Variants in KCNK2 observed in about 807,000 individuals in gnomAD.
KCNK2 encodes the protein potassium two pore domain channel subfamily K member 2.
A neutral mutation model predicts 40.5 loss-of-function variants in KCNK2; 21 were observed. That is an observed-to-expected ratio of 0.52 (90% CI 0.37 to 0.75). KCNK2 has a LOEUF of 0.75. KCNK2 is among the 30% of genes least tolerant of loss of function. The probability of loss-of-function intolerance (pLI) is 0.00; values close to 1 mark genes in which losing one functional copy is unlikely to be tolerated. For missense variants in KCNK2, 399 were observed against 531.6 expected (o/e 0.75, Z 2.45); for synonymous variants, 191 against 202.2 (o/e 0.94, Z 0.47).
chr1:215,142,659 G>T (rs1018376232), intron 3 of KCNK2, among the ~76,000 whole-genome samples: 2 of 152,232 alleles, frequency 1.3e-5, no homozygotes, highest in Middle Eastern at 6.8e-3. Context: ...TTCAATGTGA[G>T]CAGGCTCAGT....
At chr1:215,190,219 G>A (rs1306067759) in intron 5 of KCNK2, among the ~76,000 whole-genome samples, 4 of 152,108 alleles carry the variant, frequency 2.6e-5, no homozygotes, top group South Asian at 2.1e-4. Context: ...GAAGAGGGCC[G>A]ATGGCTGGGA....
chr1:215,142,885 T>G (rs894044259), intron 3 of KCNK2, among the ~76,000 whole-genome samples: 7 of 152,154 alleles, frequency 4.6e-5, no homozygotes, highest in African/African-American at 7.2e-5. Context: ...TTTGCTTTTC[T>G]AATAGACTAA....
chr1:215,027,004 A>G (rs926844272), intron 1 of KCNK2, among the ~76,000 whole-genome samples: 13 of 152,012 alleles, frequency 8.6e-5, no homozygotes, highest in Non-Finnish European at 1.9e-4. Context: ...TTTAGTTTAC[A>G]TTGTCATTTT....
rs200060178 is a variant in KCNK2, at chr1:215,152,215, C to A, written c.476-16984C>A. 3.4e-4 allele frequency among the ~76,000 whole-genome samples: 7 copies of A among 20,758 alleles called. 1 individual carries two copies. The South Asian group carries it at 5.4e-3, about 16-fold the overall frequency. The allele number at this position is 20,758 out of a possible 152,430, so 13.6% of individuals were successfully genotyped here. A position where few individuals can be genotyped will look rare whatever the true frequency, so the allele number is the denominator to read the frequency against. On this transcript the variant is annotated intron_variant, in intron 3 of 6. Coordinates refer to ENST00000444842, the MANE Select transcript of KCNK2 (RefSeq NM_001017425.3). Reference sequence around the variant, plus strand: ...ATGCTGCATACTGAGAGCCGTGTGGCCTCTGAGTAGATAGAACATTTTAGT... The same window carrying A: ...ATGCTGCATACTGAGAGCCGTGTGGACTCTGAGTAGATAGAACATTTTAGT...
At chr1:215,031,357 A>G (rs2102485840) in intron 1 of KCNK2, among the ~76,000 whole-genome samples, 1 of 152,348 alleles carries the variant, frequency 6.6e-6, no homozygotes, top group East Asian at 1.9e-4. Context: ...GTAGCCATGA[A>G]CATGAAATAT....
intron 6 of KCNK2, among the ~76,000 whole-genome samples, chr1:215,220,168 T>C (rs1029811497): frequency 2.0e-5 from 3 of 152,258 alleles, no homozygotes; most frequent in African/African-American, 7.2e-5. Flanking sequence ...TCTATATATT[T>C]TGAGAACCAT....
chr1:215,214,718 C>T (rs891939965), intron 6 of KCNK2, among the ~76,000 whole-genome samples: 1 of 152,054 alleles, frequency 6.6e-6, no homozygotes, highest in Non-Finnish European at 1.5e-5. Context: ...CCCAACTACT[C>T]AGGAGGCTGA....
intron 1 of KCNK2, among the ~76,000 whole-genome samples, chr1:215,007,227 A>ATATATATATG (rs1337347831): frequency 2.0e-4 from 19 of 95,772 alleles, no homozygotes; most frequent in Non-Finnish European, 2.5e-4. Flanking sequence ...ATATATATAT[A>ATATATATATG]GGCTCATTTC....
At chr1:215,007,199 A>G (rs1439356564) in intron 1 of KCNK2, among the ~76,000 whole-genome samples, 1,310 of 53,066 alleles carry the variant, frequency 0.025, 64 homozygotes, top group South Asian at 0.052. Flanking sequence ...ATATATATAT[A>G]TATATATATA....
Position 215,196,662 on chromosome 1 carries a change from A to G in KCNK2, c.963+1570A>G, listed in dbSNP as rs910033833. On this transcript the variant is annotated intron_variant, in intron 6 of 6. Transcript: ENST00000444842. ...ATGGATTTGCCTTAACCTTAGGCTCATTGTATGTGGTGTGCGTGTGTGAGT... is the reference window on the plus strand; with the variant it reads ...ATGGATTTGCCTTAACCTTAGGCTCGTTGTATGTGGTGTGCGTGTGTGAGT... 4.6e-5 allele frequency among the ~76,000 whole-genome samples: 7 copies of G among 152,056 alleles called. No homozygotes were observed. In the East Asian group the frequency reaches 1.4e-3, roughly 29 times the overall value.
chr1:215,107,646 C>T lies in KCNK2; in HGVS notation c.358-16987C>T, dbSNP rs944842768. Reference sequence around the variant, plus strand: ...TTGTTCATTTGCATGTCTTCTTTGGCGTAATGTCTATGCAAGTCCTTAGCC... The same window carrying T: ...TTGTTCATTTGCATGTCTTCTTTGGTGTAATGTCTATGCAAGTCCTTAGCC... On this transcript the variant is annotated intron_variant, in intron 2 of 6. Coordinates refer to ENST00000444842, the MANE Select transcript of KCNK2 (RefSeq NM_001017425.3). 5.3e-5 allele frequency among the ~76,000 whole-genome samples: 8 copies of T among 151,980 alleles called. No individual in the cohort carries two copies. In the East Asian group the frequency reaches 7.8e-4, roughly 15 times the overall value.
intron 3 of KCNK2, among the ~76,000 whole-genome samples, chr1:215,140,394 T>C (rs770238508): frequency 6.6e-6 from 1 of 152,168 alleles, no homozygotes; most frequent in Non-Finnish European, 1.5e-5. Flanking sequence ...CAGTGACATT[T>C]CCTGAAAAAT....
At chr1:215,109,617 A>T (rs1363295913) in intron 2 of KCNK2, among the ~76,000 whole-genome samples, 1 of 151,682 alleles carries the variant, frequency 6.6e-6, no homozygotes, top group Non-Finnish European at 1.5e-5. Flanking sequence ...TTATTCATTC[A>T]TCTATTGTTG....
chr1:215,103,805 A>G (rs182170596), intron 2 of KCNK2, among the ~76,000 whole-genome samples: 23 of 152,162 alleles, frequency 1.5e-4, no homozygotes, highest in African/African-American at 5.5e-4. Flanking sequence ...AAAACCTCGC[A>G]ATCATATTAT....
chr1:215,034,393 A>G (rs943939605), intron 1 of KCNK2, among the ~76,000 whole-genome samples: 1 of 151,214 alleles, frequency 6.6e-6, no homozygotes, highest in Non-Finnish European at 1.5e-5. Context: ...ACTATTTTGT[A>G]CAAGTTTTTT....
chr1:215,194,463 T>C (rs1664785952), intron 5 of KCNK2, among the ~76,000 whole-genome samples: 1 of 152,186 alleles, frequency 6.6e-6, no homozygotes, highest in African/African-American at 2.4e-5. Context: ...TTGATGACTT[T>C]AAAATAAGAA....
intron 1 of KCNK2, among the ~76,000 whole-genome samples, chr1:215,057,899 G>A (rs1658224380): frequency 6.6e-6 from 1 of 152,054 alleles, no homozygotes; most frequent in Admixed American, 6.6e-5. Flanking sequence ...AAATAATTCA[G>A]ACAATAAATG....
At chr1:215,211,676 G>C (rs1475873679) in intron 6 of KCNK2, among the ~76,000 whole-genome samples, 1 of 152,096 alleles carries the variant, frequency 6.6e-6, no homozygotes, top group Non-Finnish European at 1.5e-5. Context: ...TGAATTGAAT[G>C]GATGAATGGG....
intron 6 of KCNK2, among the ~76,000 whole-genome samples, chr1:215,225,392 A>G (rs559104428): frequency 2.6e-5 from 4 of 152,352 alleles, no homozygotes; most frequent in South Asian, 2.1e-4. Context: ...ATCTTCTTAC[A>G]TACTTGCCTT....
Sources: allele counts gnomAD v4.1 joint callset (sites outside exome capture counted in the v4.1 genomes callset), GRCh38; gene constraint gnomAD v4.1.1; transcripts MANE v1.5; gene names NCBI Gene and HGNC (gene_info 2026-07-23, HGNC 2026-07-21).